The following TMEM217 variants were observed in gnomAD, a reference collection of about 807,000 sequenced individuals.
TMEM217 encodes the protein chromosome 6 open reading frame 128.
For synonymous variants in TMEM217, 76 were observed against 88.3 expected (o/e 0.86, Z 0.78); for missense variants, 204 against 248.8 (o/e 0.82, Z 1.21).
chr6:37,215,954 T>C (rs2183690), downstream of TMEM217, among the ~76,000 whole-genome samples: 1,185 of 152,184 alleles, frequency 7.8e-3, 8 homozygotes, highest in Non-Finnish European at 0.012. Flanking sequence ...CTACCAGCCA[T>C]GTGGATGTTT....
chr6:37,245,948 C>T (rs1053436023), intron 1 of TMEM217, among the ~76,000 whole-genome samples: 1 of 152,066 alleles, frequency 6.6e-6, no homozygotes, highest in Non-Finnish European at 1.5e-5. Flanking sequence ...CACAGGCGTG[C>T]ACCACCAAGC....
intron 1 of TMEM217, among the ~76,000 whole-genome samples, chr6:37,234,001 A>G (rs1414718816): frequency 1.3e-5 from 2 of 152,102 alleles, no homozygotes; most frequent in South Asian, 4.1e-4. Context: ...TTTTTTTATT[A>G]GATGATTTTG....
intron 1 of TMEM217, among the ~76,000 whole-genome samples, chr6:37,244,392 C>T (rs545517722): frequency 1.3e-5 from 2 of 152,296 alleles, no homozygotes; most frequent in African/African-American, 4.8e-5. Context: ...GGAGAAAAAC[C>T]GTAAACTTCT....
chr6:37,250,388 G>A (rs2622885), intron 1 of TMEM217, among the ~76,000 whole-genome samples: 100,180 of 152,056 alleles, frequency 0.66, 33,155 homozygotes, highest in East Asian at 0.85. Context: ...GTGCATATTA[G>A]TTTTATACAT....
At chr6:37,224,272 G>T (rs1030695025) in intron 1 of TMEM217, among the ~76,000 whole-genome samples, 1 of 151,320 alleles carries the variant, frequency 6.6e-6, no homozygotes, top group Non-Finnish European at 1.5e-5. Flanking sequence ...TGGGACCACA[G>T]GTGCATACTA....
chr6:37,226,997 A>G (rs995322968), intron 1 of TMEM217, among the ~76,000 whole-genome samples: 4 of 152,244 alleles, frequency 2.6e-5, no homozygotes, highest in African/African-American at 9.6e-5. Flanking sequence ...ATAGCTACCA[A>G]TAAGGTTATT....
chr6:37,227,166 C>A (rs889042013), intron 1 of TMEM217, among the ~76,000 whole-genome samples: 27 of 152,162 alleles, frequency 1.8e-4, no homozygotes, highest in African/African-American at 6.0e-4. Flanking sequence ...TTTGAATCCA[C>A]TGAGCCCAGA....
At chr6:37,217,575 G>GAAGT, downstream of TMEM217, 1 of 918,744 alleles carries the variant, frequency 1.1e-6, no homozygotes, top group Non-Finnish European at 1.3e-6. Context: ...TTTGATTAAG[G>GAAGT]AAGTGCCTTT....
chr6:37,247,026 A>T (rs892385373), intron 1 of TMEM217, among the ~76,000 whole-genome samples: 2 of 152,218 alleles, frequency 1.3e-5, no homozygotes, highest in Admixed American at 6.5e-5. Context: ...TTTAATAGAT[A>T]TGTGACTAGA....
At chr6:37,219,904 C>T (rs1254727623) in intron 1 of TMEM217, among the ~76,000 whole-genome samples, 1 of 152,060 alleles carries the variant, frequency 6.6e-6, no homozygotes, top group Non-Finnish European at 1.5e-5. Context: ...AGGTGGACAC[C>T]AACTGGCTTT....
At chr6:37,220,495 T>A (rs1763444077) in intron 1 of TMEM217, among the ~76,000 whole-genome samples, 1 of 151,366 alleles carries the variant, frequency 6.6e-6, no homozygotes, top group South Asian at 2.1e-4. Context: ...TTAACTACAC[T>A]GAGCAGGTGG....
intron 1 of TMEM217, among the ~76,000 whole-genome samples, chr6:37,223,847 C>T (rs1763668505): frequency 6.6e-6 from 1 of 151,564 alleles, no homozygotes; most frequent in Admixed American, 6.6e-5. Flanking sequence ...GAGATGGAGT[C>T]TTGCTGTGTT....
intron 1 of TMEM217, among the ~76,000 whole-genome samples, chr6:37,234,101 C>T (rs1314418730): frequency 3.1e-5 from 3 of 96,516 alleles, no homozygotes; most frequent in African/African-American, 4.7e-5. Flanking sequence ...GTATTAAATG[C>T]CTTTTTTTTT....
chr6:37,257,895 A>G, exon 1 of TMEM217: 3 of 1,612,724 alleles, frequency 1.9e-6, no homozygotes, highest in Non-Finnish European at 2.5e-6. Flanking sequence ...GCCCGCCTAC[A>G]AGGACTTCCC....
chr6:37,244,137 A>C (rs1389288193), intron 1 of TMEM217, among the ~76,000 whole-genome samples: 1 of 152,196 alleles, frequency 6.6e-6, no homozygotes, highest in South Asian at 2.1e-4. Context: ...GACTTTTATT[A>C]GTTTTACAAA....
At chr6:37,214,329 G>A (rs1315152005), downstream of TMEM217, among the ~76,000 whole-genome samples, 1 of 152,148 alleles carries the variant, frequency 6.6e-6, no homozygotes, top group East Asian at 1.9e-4. Context: ...CCAGGATGAA[G>A]CGATTCTCAT....
chr6:37,212,467 A>T (rs1331017346), exon 4 of TMEM217: 2 of 451,736 alleles, frequency 4.4e-6, no homozygotes, highest in Non-Finnish European at 4.5e-6. Flanking sequence ...TCATGAGTTC[A>T]CTGCAATGGT....
At position 37,247,466 on chromosome 6, in the gene TMEM217, C is replaced by T. The variant is rs141771186; in HGVS notation, c.-12+10102G>A. On this transcript the variant is annotated intron_variant, in intron 1 of 1. Coordinates refer to ENST00000357219, the Ensembl canonical transcript of TMEM217. ...GCGGTGACGCGACCTCAGCTCACTG[C>T]AACCTCTGCCTCCCGGGTTAAAGCA... 3.3e-4 allele frequency among the ~76,000 whole-genome samples: 50 copies of T among 150,854 alleles called. No individual in the cohort carries two copies. In the East Asian group the frequency reaches 3.7e-3, roughly 11 times the overall value.
At chr6:37,218,385 C>T in exon 2 of TMEM217, 3 of 1,469,394 alleles carry the variant, frequency 2.0e-6, no homozygotes, top group African/African-American at 1.4e-5. Flanking sequence ...CTGCCAAGGC[C>T]AGGCTGGTCT....
Sources: allele counts gnomAD v4.1 joint callset (sites outside exome capture counted in the v4.1 genomes callset), GRCh38; gene constraint gnomAD v4.1.1; transcripts MANE v1.5; gene names NCBI Gene and HGNC (gene_info 2026-07-23, HGNC 2026-07-21).